Variants in NFIB observed in about 807,000 individuals in gnomAD.
The protein encoded by NFIB is nuclear factor I B.
Under a neutral mutation model 61.5 loss-of-function variants are expected in NFIB, and 11 were observed. That is an observed-to-expected ratio of 0.18 (90% CI 0.11 to 0.30). The LOEUF (loss-of-function observed/expected upper bound fraction) is 0.30, where lower values mean the gene tolerates loss of function less well. Among genes scored for constraint, NFIB ranks in the 10% least tolerant of loss-of-function variants. The pLI, the probability that NFIB is intolerant of heterozygous loss-of-function variation, is 1.00. For synonymous variants in NFIB, 260 were observed against 216.5 expected (o/e 1.20, Z -1.76); for missense variants, 471 against 608.9 (o/e 0.77, Z 2.38).
the NFIB span, among the ~76,000 whole-genome samples, chr9:14,429,673 C>T: frequency 6.6e-6 from 1 of 152,148 alleles, no homozygotes; most frequent in African/African-American, 2.4e-5. Flanking sequence ...ACTTTCTTTT[C>T]GCAAAGCCAC....
At chr9:14,267,757 T>A (rs1035964717) in intron 2 of NFIB, among the ~76,000 whole-genome samples, 3 of 152,210 alleles carry the variant, frequency 2.0e-5, no homozygotes, top group African/African-American at 7.2e-5. Flanking sequence ...CCAAAGCCAT[T>A]AGGAACATCG....
the NFIB span, among the ~76,000 whole-genome samples, chr9:14,516,017 G>A: frequency 6.6e-6 from 1 of 152,238 alleles, no homozygotes; most frequent in Non-Finnish European, 1.5e-5. Context: ...TCTGTCAGAG[G>A]GAGAAGCCAA....
At chr9:14,279,348 C>A (rs972342447) in intron 2 of NFIB, among the ~76,000 whole-genome samples, 4 of 152,166 alleles carry the variant, frequency 2.6e-5, no homozygotes, top group Non-Finnish European at 5.9e-5. Context: ...GTTTTCAACA[C>A]TGATAACTAG....
chr9:14,353,707 G>C (rs2061141521), intron 1 of NFIB, among the ~76,000 whole-genome samples: 3 of 152,136 alleles, frequency 2.0e-5, no homozygotes, highest in South Asian at 4.1e-4. Context: ...ACCCGCAGGC[G>C]GTGAGACCCG....
chr9:14,423,989 T>A, the NFIB span, among the ~76,000 whole-genome samples: 1 of 152,096 alleles, frequency 6.6e-6, no homozygotes, highest in Non-Finnish European at 1.5e-5. Flanking sequence ...AGCTCGGGAA[T>A]TTGGTCCTTT....
rs552328497 is a variant in NFIB, at chr9:14,277,334, C to T, written c.562+29655G>A. ...ATGTGCACCCGCGCACACACGTGCACGCACACACAGACACACACACACACA... is the reference window on the plus strand; with the variant it reads ...ATGTGCACCCGCGCACACACGTGCATGCACACACAGACACACACACACACA... On this transcript the variant is annotated intron_variant, in intron 2 of 10. Transcript: ENST00000380953. Among the ~76,000 whole-genome samples the T allele has an allele frequency of 9.8e-4, 93 of 94,526 alleles. 1 individual carries two copies. Among genetic ancestry groups the T allele is most frequent in the Admixed American group, 6.2e-3 (44 of 7,144 alleles). 62.0% of individuals were successfully genotyped at this position (94,526 alleles called of 152,430 possible).
the NFIB span, among the ~76,000 whole-genome samples, chr9:14,455,456 G>C: frequency 7.2e-5 from 11 of 152,322 alleles, no homozygotes; most frequent in East Asian, 1.9e-3. Context: ...GGATGAACAA[G>C]TGGATTTATC....
chr9:14,456,183 A>G, the NFIB span, among the ~76,000 whole-genome samples: 1 of 150,654 alleles, frequency 6.6e-6, no homozygotes, highest in African/African-American at 2.4e-5. Context: ...CTGAAGTTAC[A>G]AAAGTACCTG....
rs79401929 is a variant in NFIB, at chr9:14,164,077, T to C, written c.617-8184A>G. Reference sequence around the variant, plus strand: ...ACAACCACCCCAAAAATTAAAAAGATGAAATTAAACATAAAAGCTGAAATT... The same window carrying C: ...ACAACCACCCCAAAAATTAAAAAGACGAAATTAAACATAAAAGCTGAAATT... On this transcript the variant is annotated intron_variant, in intron 3 of 10. Coordinates refer to ENST00000380953, the MANE Select transcript of NFIB (RefSeq NM_001190737.2). 6.8e-3 allele frequency among the ~76,000 whole-genome samples: 1,028 copies of C among 151,040 alleles called. 11 individuals carry two copies. The highest frequency in any genetic ancestry group is 0.024 in the African/African-American group (985 of 41,184).
chr9:14,329,427 A>G (rs2132845197), intron 1 of NFIB, among the ~76,000 whole-genome samples: 1 of 152,236 alleles, frequency 6.6e-6, no homozygotes, highest in South Asian at 2.1e-4. Context: ...CCAGGTCATA[A>G]TTAACATTTG....
At chr9:14,384,453 T>A (rs1313327965) in intron 1 of NFIB, among the ~76,000 whole-genome samples, 2 of 152,216 alleles carry the variant, frequency 1.3e-5, no homozygotes, top group African/African-American at 4.8e-5. Context: ...CCAAACCCCT[T>A]TGCCTTCAAA....
chr9:14,227,158 A>G (rs2052533805), intron 2 of NFIB, among the ~76,000 whole-genome samples: 1 of 151,116 alleles, frequency 6.6e-6, no homozygotes, highest in Admixed American at 6.6e-5. Context: ...AAAAAAAAAA[A>G]GAAAGAAAAG....
intron 1 of NFIB, among the ~76,000 whole-genome samples, chr9:14,331,897 A>G (rs2060825108): frequency 6.6e-6 from 1 of 152,234 alleles, no homozygotes; most frequent in Non-Finnish European, 1.5e-5. Flanking sequence ...TATATCGATT[A>G]TTACTTTTCT....
intron 3 of NFIB, among the ~76,000 whole-genome samples, chr9:14,160,831 C>CAAAAAAAAAAAAAAAAAAAA (rs36063048): frequency 9.3e-5 from 9 of 96,320 alleles, no homozygotes; most frequent in Non-Finnish European, 1.4e-4. Context: ...AAGGAAATCT[C>CAAAAAAAAAAAAAAAAAAAA]AAAAAAAAAA....
At chr9:14,438,190 T>TAC in the NFIB span, among the ~76,000 whole-genome samples, 2 of 152,110 alleles carry the variant, frequency 1.3e-5, no homozygotes, top group Non-Finnish European at 2.9e-5. Flanking sequence ...GCTCATATAC[T>TAC]ACACACACTC....
intron 1 of NFIB, among the ~76,000 whole-genome samples, chr9:14,360,815 C>T (rs2132944300): frequency 6.6e-6 from 1 of 151,916 alleles, no homozygotes; most frequent in East Asian, 1.9e-4. Context: ...AAGCCTGGGC[C>T]TCAAGCCTGG....
intron 2 of NFIB, among the ~76,000 whole-genome samples, chr9:14,200,411 A>C (rs2048904135): frequency 6.6e-6 from 1 of 152,128 alleles, no homozygotes; most frequent in African/African-American, 2.4e-5. Flanking sequence ...ACAATACCAA[A>C]ACTCACATAC....
At chr9:14,465,388 G>A in the NFIB span, among the ~76,000 whole-genome samples, 1 of 152,128 alleles carries the variant, frequency 6.6e-6, no homozygotes, top group Non-Finnish European at 1.5e-5. Flanking sequence ...CTCTAAATGG[G>A]AAGAACATAT....
chr9:14,284,152 C>G (rs1192157917), intron 2 of NFIB, among the ~76,000 whole-genome samples: 1 of 152,048 alleles, frequency 6.6e-6, no homozygotes, highest in Non-Finnish European at 1.5e-5. Context: ...ATTTCTTTAT[C>G]TATTATTTGA....
Sources: allele counts gnomAD v4.1 joint callset (sites outside exome capture counted in the v4.1 genomes callset), GRCh38; gene constraint gnomAD v4.1.1; transcripts MANE v1.5; gene names NCBI Gene and HGNC (gene_info 2026-07-23, HGNC 2026-07-21).